The following PSMC6 variants were observed in gnomAD, a reference collection of about 807,000 sequenced individuals.
The protein encoded by PSMC6 is 26S proteasome regulatory subunit 10B.
A neutral mutation model predicts 55.9 loss-of-function variants in PSMC6; 3 were observed. That is an observed-to-expected ratio of 0.05 (90% CI 0.02 to 0.14). The LOEUF (loss-of-function observed/expected upper bound fraction) is 0.14. PSMC6 is among the 10% of genes least tolerant of loss of function. The pLI is 1.00. For missense variants in PSMC6, 210 were observed against 478.7 expected (o/e 0.44, Z 5.24); for synonymous variants, 137 against 155.9 (o/e 0.88, Z 0.90).
At chr14:52,711,232 A>G (rs1017087269) in intron 5 of PSMC6, 64 bp downstream of exon 5, 10 of 1,463,096 alleles carry the variant, frequency 6.8e-6, no homozygotes, top group East Asian at 2.3e-5. Flanking sequence ...TATCTGAGAT[A>G]TATGCTTCTT....
At chr14:52,714,066 G>GT in intron 7 of PSMC6, 98 bp downstream of exon 7, 8 of 778,354 alleles carry the variant, frequency 1.0e-5, no homozygotes, top group South Asian at 2.0e-5. Context: ...TTTGAGACAC[G>GT]GTCTCACTCT....
chr14:52,707,555 G>A (rs957372795), intron 1 of PSMC6: 6 of 460,886 alleles, frequency 1.3e-5, no homozygotes, highest in Non-Finnish European at 3.9e-6. Flanking sequence ...AAGTAGAGGA[G>A]GAGTGGGGAA....
At chr14:52,721,716 G>A (rs1262469111) in intron 12 of PSMC6, 1 of 152,534 alleles carries the variant, frequency 6.6e-6, no homozygotes, top group African/African-American at 2.4e-5. Flanking sequence ...CCAGGCATGA[G>A]GATATGTTTT....
At chr14:52,713,740 G>C in intron 6 of PSMC6, 141 bp from the exon 7 acceptor site, 2 of 468,558 alleles carry the variant, frequency 4.3e-6, no homozygotes, top group Non-Finnish European at 7.5e-6. Flanking sequence ...TAATATAAAT[G>C]GTTTTACCTA....
At position 52,720,878 on chromosome 14, in the gene PSMC6, T is replaced by C; in HGVS notation, c.795T>C (p.Asp265=). Residue 265 remains aspartate (D), a synonymous_variant, in exon 11 of 14, where the codon GAT becomes GAC. Coordinates refer to ENST00000445930, the MANE Select transcript of PSMC6 (RefSeq NM_002806.5). ...ATTCTTAGTTACTGAATCAAATGGA[T>C]GGATTTGATACTCTGCATAGAGTTA... ...RTLMELLNQM[D]GFDTLHRVKM... 1 of 1,595,670 alleles carries C rather than the reference T, an allele frequency of 6.3e-7. No individual in the cohort carries two copies. Among genetic ancestry groups the C allele is most frequent in the Non-Finnish European group, 8.6e-7 (1 of 1,167,316 alleles).
At chr14:52,709,662 A>G in intron 4 of PSMC6, 1 of 440,132 alleles carries the variant, frequency 2.3e-6, no homozygotes, top group African/African-American at 2.1e-5. Flanking sequence ...AAAACATTAG[A>G]AAAGCCGAAG....
chr14:52,711,222 T>TA, intron 5 of PSMC6, 54 bp downstream of exon 5: 4 of 1,504,116 alleles, frequency 2.7e-6, no homozygotes, highest in Non-Finnish European at 3.7e-6. Context: ...GGGTGGTTTT[T>TA]ATCTGAGATA....
chr14:52,718,500 C>A, intron 9 of PSMC6, 148 bp downstream of exon 9: 1 of 885,264 alleles, frequency 1.1e-6, no homozygotes, highest in Non-Finnish European at 1.6e-6. Flanking sequence ...AATAAATAAC[C>A]TTTCATGGCC....
chr14:52,711,550 G>C lies in PSMC6; in HGVS notation c.441+26G>C, dbSNP rs998510989. 3.4e-6 allele frequency: 5 copies of C among 1,465,066 alleles called. No homozygotes were observed. In the African/African-American group the frequency reaches 7.1e-5, roughly 21 times the overall value. The allele number at this position is 1,465,066 out of a possible 1,614,324, so 90.8% of individuals were successfully genotyped here. A position where few individuals can be genotyped will look rare whatever the true frequency, so the allele number is the denominator to read the frequency against. ...GTTGGTACTGTGTGCCTTGTTCTCT[G>C]AACTTAGCTAATAAATACTACTAGT... On this transcript the variant is annotated intron_variant, in intron 6 of 13. Transcript: ENST00000445930.
chr14:52,712,818 T>C (rs1351462463), intron 6 of PSMC6, among the ~76,000 whole-genome samples: 10 of 152,124 alleles, frequency 6.6e-5, no homozygotes, highest in Admixed American at 6.5e-4. Flanking sequence ...GGTTTCACCA[T>C]GTTGTCCAGG....
chr14:52,719,177 T>C, intron 10 of PSMC6, 139 bp downstream of exon 10: 1 of 836,610 alleles, frequency 1.2e-6, no homozygotes, highest in Admixed American at 3.0e-5. Context: ...GGAACAAACA[T>C]GTTTCTCTAT....
In PSMC6 at chr14:52,723,843, A is replaced by G. The variant is rs75404269; in HGVS notation, c.980-122A>G. On this transcript the variant is annotated intron_variant, in intron 12 of 13. Transcript: ENST00000445930. ...TGGATATTAATATTGTGGAAAGTTA[A>G]CAGAGCTGATGTCTAGCTGATCAAA... 2,580 of 1,457,354 alleles carry G rather than the reference A, an allele frequency of 1.8e-3. 48 individuals are homozygous for G. In the African/African-American group the frequency reaches 0.033, roughly 19 times the overall value. The allele number at this position is 1,457,354 out of a possible 1,614,324, so 90.3% of individuals were successfully genotyped here.
chr14:52,715,205 C>T (rs1247104610), intron 7 of PSMC6, among the ~76,000 whole-genome samples: 1 of 151,470 alleles, frequency 6.6e-6, no homozygotes, highest in African/African-American at 2.4e-5. Context: ...GTTAAATCTT[C>T]ATCTTTGGGT....
At chr14:52,708,446 G>C (rs1470615622) in intron 2 of PSMC6, 37 bp from the exon 3 acceptor site, 2 of 1,613,350 alleles carry the variant, frequency 1.2e-6, no homozygotes, top group Non-Finnish European at 1.7e-6. Flanking sequence ...TTATTTAGCT[G>C]TTGCCAAAAA....
chr14:52,719,250 C>A (rs1027798142), intron 10 of PSMC6, among the ~76,000 whole-genome samples: 1 of 152,156 alleles, frequency 6.6e-6, no homozygotes, highest in African/African-American at 2.4e-5. Flanking sequence ...ATTTGGTATA[C>A]ACCTGTACTA....
intron 13 of PSMC6, 36 bp downstream of exon 13, chr14:52,724,072 G>A (rs2139857977): frequency 6.3e-7 from 1 of 1,577,008 alleles, no homozygotes. Flanking sequence ...TATTGATTTT[G>A]ATTTTTAAAA....
Position 52,707,373 on chromosome 14 carries a change from C to A in PSMC6, c.85+69C>A, listed in dbSNP as rs747345214. 6.9e-6 allele frequency: 11 copies of A among 1,591,030 alleles called. No homozygotes were observed. In the Admixed American group the frequency reaches 1.9e-4, roughly 28 times the overall value. Reference sequence around the variant, plus strand: ...CTTCTGCCTCTGACAAAGCAGAAGCCTTTCGCCGAGCCCGGCAACCGAGCC... The same window carrying A: ...CTTCTGCCTCTGACAAAGCAGAAGCATTTCGCCGAGCCCGGCAACCGAGCC... On this transcript the variant is annotated intron_variant, in intron 1 of 13. Coordinates refer to ENST00000445930, the MANE Select transcript of PSMC6 (RefSeq NM_002806.5).
chr14:52,716,770 G>T (rs1364617009), intron 7 of PSMC6, among the ~76,000 whole-genome samples: 4 of 151,846 alleles, frequency 2.6e-5, no homozygotes, highest in Non-Finnish European at 5.9e-5. Flanking sequence ...AAAAGAAAAA[G>T]AAATGTGGTA....
chr14:52,707,929 T>A (rs1259524239), intron 1 of PSMC6, among the ~76,000 whole-genome samples: 1 of 152,158 alleles, frequency 6.6e-6, no homozygotes, highest in Non-Finnish European at 1.5e-5. Context: ...GTTGACTTTA[T>A]TTAGGGTAGA....
Sources: allele counts gnomAD v4.1 joint callset (sites outside exome capture counted in the v4.1 genomes callset), GRCh38; gene constraint gnomAD v4.1.1; transcripts MANE v1.5; gene names NCBI Gene and HGNC (gene_info 2026-07-23, HGNC 2026-07-21).